The following JAM2 variants were observed in gnomAD, a reference collection of about 807,000 sequenced individuals.
JAM2 encodes the protein junctional adhesion molecule 2, also known as junctional adhesion molecule B.
JAM2 carries 17 observed loss-of-function variants against 42.0 expected under a neutral mutation model. The ratio of observed to expected loss-of-function variants is 0.40; its 90% CI spans 0.28 to 0.61. The LOEUF (loss-of-function observed/expected upper bound fraction) is 0.61, where lower values mean the gene tolerates loss of function less well. Ranked by LOEUF, JAM2 falls within the 20% of genes least tolerant of loss-of-function variation. JAM2 has a pLI of 0.37. For missense variants in JAM2, 319 were observed against 358.3 expected (o/e 0.89, Z 0.89); for synonymous variants, 118 against 128.6 (o/e 0.92, Z 0.56).
Position 25,689,939 on chromosome 21 carries a change from T to C in JAM2, c.207T>C (p.Ser69=), listed in dbSNP as rs1196871035. The part of the protein sequence containing the change: ...SRLEWKKLGR[S]VSFVYYQQTL... ...TAGAGTGGAAGAAACTGGGTCGGAG[T>C]GTCTCCTTTGTCTACTATCAACAGA... is the stretch of plus-strand genomic sequence containing the variant. The change falls in exon 3 of 10, where the codon AGT becomes AGC. Residue 69 remains serine (S), a synonymous_variant. Coordinates refer to ENST00000480456, the MANE Select transcript of JAM2 (RefSeq NM_021219.4). The C allele has an allele frequency of 6.2e-7, 1 of 1,613,102 alleles. No homozygotes were observed. The highest frequency in any genetic ancestry group is 1.1e-5 in the South Asian group (1 of 91,066).
At chr21:25,664,334 C>T (rs943666987) in intron 1 of JAM2, among the ~76,000 whole-genome samples, 2 of 152,060 alleles carry the variant, frequency 1.3e-5, no homozygotes, top group Non-Finnish European at 2.9e-5. Context: ...TTCCTGAGTT[C>T]AAGTGATTGT....
At chr21:25,712,817 A>G (rs570696348) in intron 9 of JAM2, among the ~76,000 whole-genome samples, 1 of 152,264 alleles carries the variant, frequency 6.6e-6, no homozygotes, top group East Asian at 1.9e-4. Context: ...TCTAGGACTC[A>G]CCTTTGGTTA....
chr21:25,699,485 G>A (rs1433799514), intron 5 of JAM2, among the ~76,000 whole-genome samples: 1 of 152,052 alleles, frequency 6.6e-6, no homozygotes, highest in Non-Finnish European at 1.5e-5. Flanking sequence ...CACTTTGGGA[G>A]GCCGAGGTGG....
intron 3 of JAM2, among the ~76,000 whole-genome samples, chr21:25,691,443 A>C (rs2033879292): frequency 2.0e-5 from 3 of 152,214 alleles, no homozygotes. Flanking sequence ...GGCTGGCCTC[A>C]ATCTTCTGTC....
At chr21:25,648,018 C>G (rs1326696502) in intron 1 of JAM2, among the ~76,000 whole-genome samples, 1 of 152,182 alleles carries the variant, frequency 6.6e-6, no homozygotes, top group Non-Finnish European at 1.5e-5. Flanking sequence ...TGAAACCAGC[C>G]TAGCCAACGT....
At chr21:25,684,293 CTG>C (rs1459830029) in intron 2 of JAM2, among the ~76,000 whole-genome samples, 2 of 152,166 alleles carry the variant, frequency 1.3e-5, no homozygotes, top group African/African-American at 4.8e-5. Context: ...AAACTCCACT[CTG>C]TGTATTTAAG....
chr21:25,714,420 C>T (rs913598131), intron 9 of JAM2: 23 of 456,850 alleles, frequency 5.0e-5, no homozygotes, highest in Non-Finnish European at 1.9e-5. Flanking sequence ...ATCACTTGAA[C>T]CCGGGAGGCG....
chr21:25,681,740 T>A (rs2123365470), intron 1 of JAM2, among the ~76,000 whole-genome samples: 1 of 152,206 alleles, frequency 6.6e-6, no homozygotes, highest in Admixed American at 6.5e-5. Flanking sequence ...CCCAGCACTT[T>A]GGGAGGCTGA....
chr21:25,714,757 GC>G lies in JAM2; in HGVS notation c.*86del, dbSNP rs1026095578. ...TAAAACTCTGCTTTGTCCGACATTT[GC>G]AAAGAGGTACACGAGGAAATGGAAT... On this transcript the variant is annotated 3_prime_UTR_variant, in exon 10 of 10. Transcript: ENST00000480456. 2 of 859,908 alleles carry G rather than the reference GC, an allele frequency of 2.3e-6. No homozygotes were observed. The highest frequency in any genetic ancestry group is 3.6e-5 in the African/African-American group (2 of 56,050). The allele number at this position is 859,908 out of a possible 1,614,324, so 53.3% of individuals were successfully genotyped here.
chr21:25,710,360 T>G (rs1419654717), intron 8 of JAM2, among the ~76,000 whole-genome samples: 1 of 151,974 alleles, frequency 6.6e-6, no homozygotes. Context: ...TACATTCTAG[T>G]AGAGAAAGGC....
At chr21:25,664,305 G>A (rs894922164) in intron 1 of JAM2, among the ~76,000 whole-genome samples, 11 of 151,898 alleles carry the variant, frequency 7.2e-5, no homozygotes, top group African/African-American at 1.9e-4. Flanking sequence ...GCGTGATCTC[G>A]GCTCACCACA....
In JAM2 at chr21:25,702,252, G is replaced by C; in HGVS notation, c.680G>C (p.Gly227Ala). 6.3e-7 allele frequency: 1 copy of C among 1,593,330 alleles called. No homozygotes were observed. The highest frequency in any genetic ancestry group is 8.6e-7 in the Non-Finnish European group (1 of 1,164,154). The change falls in exon 6 of 10, where the codon GGG becomes GCG. Residue 227 changes from glycine to alanine, a missense_variant. Physicochemically the swap from Gly to Ala is moderately conservative, Grantham distance 60 (BLOSUM62 0). Coordinates refer to ENST00000480456, the MANE Select transcript of JAM2 (RefSeq NM_021219.4). The stretch of plus-strand genomic sequence containing the variant: ...TCTGTTGGATATCGCAGGTGTCCTG[G>C]GAAACGAATGCAAGTAGGTAAGCAT... The part of the protein sequence containing the change: ...RNSVGYRRCP[G>A]KRMQVDDLNI...
At chr21:25,697,877 C>T (rs1176916407) in intron 4 of JAM2, among the ~76,000 whole-genome samples, 3 of 151,440 alleles carry the variant, frequency 2.0e-5, no homozygotes, top group Non-Finnish European at 4.4e-5. Flanking sequence ...CACTGTACTC[C>T]AGCCTGGGTT....
chr21:25,711,910 C>A, intron 8 of JAM2: 1 of 209,954 alleles, frequency 4.8e-6, no homozygotes, highest in East Asian at 1.4e-4. Flanking sequence ...AATCTGTGGC[C>A]TTCAAAATAT....
At chr21:25,713,645 T>C (rs1261451638) in intron 9 of JAM2, among the ~76,000 whole-genome samples, 1 of 152,214 alleles carries the variant, frequency 6.6e-6, no homozygotes, top group African/African-American at 2.4e-5. Flanking sequence ...TCAAAAACTG[T>C]TCCAGAAACT....
At chr21:25,646,011 G>A (rs1036819614) in intron 1 of JAM2, among the ~76,000 whole-genome samples, 1 of 152,220 alleles carries the variant, frequency 6.6e-6, no homozygotes, top group Non-Finnish European at 1.5e-5. Context: ...GTGAGTGAAT[G>A]TGAAGGCCTG....
intron 4 of JAM2, among the ~76,000 whole-genome samples, chr21:25,697,313 T>C (rs899330370): frequency 6.6e-6 from 1 of 152,164 alleles, no homozygotes; most frequent in African/African-American, 2.4e-5. Flanking sequence ...TCTACTACAG[T>C]ACCTAGATTA....
intron 1 of JAM2, among the ~76,000 whole-genome samples, chr21:25,680,946 T>C (rs2033617342): frequency 6.6e-6 from 1 of 152,098 alleles, no homozygotes; most frequent in African/African-American, 2.4e-5. Flanking sequence ...CAGAGTCACA[T>C]GTCATAGAGA....
At chr21:25,655,229 T>C (rs1321599232) in intron 1 of JAM2, among the ~76,000 whole-genome samples, 1 of 151,548 alleles carries the variant, frequency 6.6e-6, no homozygotes, top group African/African-American at 2.4e-5. Flanking sequence ...ATGATGACTA[T>C]ATGGTGTTTA....
Sources: gnomAD v4.1 joint callset for allele counts (sites outside exome capture counted in the v4.1 genomes callset) on GRCh38, gnomAD v4.1.1 for gene constraint, MANE v1.5 for transcripts, NCBI Gene and HGNC (gene_info 2026-07-23, HGNC 2026-07-21) for gene names.